LEPROTL1: variants seen among roughly 807,000 people sequenced by gnomAD.
LEPROTL1 encodes the protein leptin receptor overlapping transcript like 1, also known as leptin receptor overlapping transcript-like 1.
Under a neutral mutation model 15.4 loss-of-function variants are expected in LEPROTL1, and 6 were observed. That is an observed-to-expected ratio of 0.39 (90% confidence interval 0.21 to 0.77). LEPROTL1 has a LOEUF of 0.77. LEPROTL1 is among the 30% of genes least tolerant of loss of function. The pLI, the probability that LEPROTL1 is intolerant of heterozygous loss-of-function variation, is 0.41. For missense variants in LEPROTL1, 128 were observed against 158.1 expected (o/e 0.81, Z 1.02); for synonymous variants, 56 against 52.6 (o/e 1.06, Z -0.28).
rs16876562 is a variant in LEPROTL1 at position 30,132,393 on chromosome 8, G to A, written c.298G>A (p.Gly100Arg). 7,774 of 1,551,660 alleles carry A rather than the reference G, an allele frequency of 5.0e-3. 358 individuals are homozygous for A. The African/African-American group carries it at 0.095, about 19-fold the overall frequency. The stretch of plus-strand genomic sequence containing the variant: ...TTTCCAGGGTCCAGATGTCTGCATC[G>A]GGGACATATCCCTCCTCTCCAGGGC... Residue 100 changes from glycine (G) to arginine (R), a missense_variant, in exon 4 of 5, where the codon GGG (glycine) becomes AGG (arginine). Coordinates refer to the LEPROTL1 transcript ENST00000442880.
chr8:30,107,488 G>A lies in LEPROTL1; in HGVS notation c.*1626G>A. The A allele has an allele frequency of 2.4e-5, 24 of 985,742 alleles. No individual in the cohort carries two copies. Among genetic ancestry groups the A allele is most frequent in the Non-Finnish European group, 2.9e-5 (24 of 829,866 alleles). 61.1% of individuals were successfully genotyped at this position (985,742 alleles called of 1,614,324 possible). A position where few individuals can be genotyped will look rare whatever the true frequency, so the allele number is the denominator to read the frequency against. On this transcript the variant is annotated 3_prime_UTR_variant, in exon 4 of 4. Coordinates refer to ENST00000321250, the MANE Select transcript of LEPROTL1 (RefSeq NM_015344.3). ...ATGAAGTTTATTTCTCAAGAAAATG[G>A]GAATAAATTTGGGATTTGTTCAGCT...
At chr8:30,131,270 A>ATATG (rs1554485344) in intron 3 of LEPROTL1, among the ~76,000 whole-genome samples, 67 of 92,456 alleles carry the variant, frequency 7.2e-4, no homozygotes, top group South Asian at 3.8e-3. Context: ...ATATATATAT[A>ATATG]TGTGTGTGTA....
chr8:30,137,458 T>G (rs1803174305), exon 5 of LEPROTL1: 1 of 1,551,614 alleles, frequency 6.4e-7, no homozygotes, highest in African/African-American at 1.4e-5. Context: ...GCCTGCTCTG[T>G]GGGCTCTAGG....
At chr8:30,108,730 C>T (rs1173847437), downstream of LEPROTL1, among the ~76,000 whole-genome samples, 1 of 151,394 alleles carries the variant, frequency 6.6e-6, no homozygotes, top group Non-Finnish European at 1.5e-5. Flanking sequence ...TAGGTTCAAG[C>T]GATTCTCATA....
intron 2 of LEPROTL1, among the ~76,000 whole-genome samples, chr8:30,102,478 C>G (rs1371794477): frequency 2.6e-5 from 4 of 151,838 alleles, no homozygotes; most frequent in African/African-American, 9.7e-5. Flanking sequence ...TGGTGAAACC[C>G]CATCTCTACT....
chr8:30,095,678 C>G (rs1353063820), intron 1 of LEPROTL1, 150 bp downstream of exon 1: 9 of 748,702 alleles, frequency 1.2e-5, no homozygotes, highest in East Asian at 3.3e-5. Flanking sequence ...CGGCCCTGCG[C>G]TTGGCCCGGA....
intron 1 of LEPROTL1, among the ~76,000 whole-genome samples, chr8:30,096,822 A>G (rs966576316): frequency 6.6e-6 from 1 of 152,222 alleles, no homozygotes; most frequent in African/African-American, 2.4e-5. Context: ...TGATTTCAGC[A>G]GGATTTTCTG....
intron 4 of LEPROTL1, among the ~76,000 whole-genome samples, chr8:30,135,635 A>G (rs1458177748): frequency 1.3e-5 from 2 of 152,180 alleles, no homozygotes; most frequent in Non-Finnish European, 2.9e-5. Context: ...TAGGCTGGGC[A>G]CAATGGCTCA....
At chr8:30,104,549 C>G (rs190289815) in intron 3 of LEPROTL1, 63 bp downstream of exon 3, 16 of 1,178,714 alleles carry the variant, frequency 1.4e-5, no homozygotes, top group Non-Finnish European at 1.9e-5. Context: ...TTTTCTCAAG[C>G]AAAGTTTTTG....
chr8:30,129,756 C>CAA (rs201245531), intron 3 of LEPROTL1, among the ~76,000 whole-genome samples: 1 of 142,742 alleles, frequency 7.0e-6, no homozygotes, highest in African/African-American at 2.7e-5. Flanking sequence ...CACACACACA[C>CAA]AAAGAACTAC....
intron 1 of LEPROTL1, among the ~76,000 whole-genome samples, chr8:30,098,821 T>C (rs1440969566): frequency 6.6e-6 from 1 of 152,144 alleles, no homozygotes; most frequent in Non-Finnish European, 1.5e-5. Flanking sequence ...AAAAACTTGC[T>C]CCCTCCTTTC....
intron 3 of LEPROTL1, chr8:30,131,830 A>G: frequency 7.4e-7 from 1 of 1,345,642 alleles, no homozygotes; most frequent in South Asian, 1.6e-5. Context: ...TCCATCCAAA[A>G]CTTTAGAAAA....
intron 4 of LEPROTL1, among the ~76,000 whole-genome samples, chr8:30,135,315 G>A (rs903152648): frequency 6.6e-6 from 1 of 152,164 alleles, no homozygotes; most frequent in African/African-American, 2.4e-5. Flanking sequence ...AACATTGTGG[G>A]AAATGTTGAT....
chr8:30,125,002 T>C (rs12681963), intron 3 of LEPROTL1, among the ~76,000 whole-genome samples: 126,531 of 152,182 alleles, frequency 0.83, 52,795 homozygotes, highest in Admixed American at 0.88. Context: ...ATGAATCCAC[T>C]TAAGGCACTC....
At chr8:30,122,263 A>C (rs1252268400) in intron 3 of LEPROTL1, among the ~76,000 whole-genome samples, 1 of 152,164 alleles carries the variant, frequency 6.6e-6, no homozygotes, top group Non-Finnish European at 1.5e-5. Context: ...AGATATCCAC[A>C]TGCAAAGGAA....
At chr8:30,104,517 T>C in intron 3 of LEPROTL1, 31 bp downstream of exon 3, 1 of 1,458,392 alleles carries the variant, frequency 6.9e-7, no homozygotes, top group Non-Finnish European at 9.3e-7. Flanking sequence ...ATTAATGATT[T>C]TATATTGAAC....
Position 30,131,039 on chromosome 8 carries a change from C to A in LEPROTL1, c.280-1336C>A, listed in dbSNP as rs573044911. 2.0e-3 allele frequency among the ~76,000 whole-genome samples: 309 copies of A among 151,794 alleles called. 3 individuals are homozygous for A. The highest frequency in any genetic ancestry group is 7.3e-3 in the African/African-American group (301 of 41,396). ...GTGATCCCATGACCTTGTGATCCGC[C>A]CGTCTCGGCCTCCCAAAGTGCTGGG... On this transcript the variant is annotated intron_variant, in intron 3 of 4. Coordinates refer to the LEPROTL1 transcript ENST00000442880.
At chr8:30,099,473 C>T (rs1802426065) in intron 1 of LEPROTL1, among the ~76,000 whole-genome samples, 1 of 90,372 alleles carries the variant, frequency 1.1e-5, no homozygotes, top group Non-Finnish European at 2.3e-5. Context: ...TGGTGGTGCA[C>T]AGCTGTAGTC....
chr8:30,118,034 T>G (rs1339109064), intron 3 of LEPROTL1, among the ~76,000 whole-genome samples: 2 of 144,570 alleles, frequency 1.4e-5, no homozygotes, highest in African/African-American at 5.1e-5. Flanking sequence ...TTTTTTTTTT[T>G]TTTTTTTTGA....
Sources: allele counts gnomAD v4.1 joint callset (sites outside exome capture counted in the v4.1 genomes callset), GRCh38; gene constraint gnomAD v4.1.1; transcripts MANE v1.5; gene names NCBI Gene and HGNC (gene_info 2026-07-23, HGNC 2026-07-21).